The following CNKSR2 variants were observed in gnomAD, a reference collection of about 807,000 sequenced individuals.
CNKSR2 encodes CNK homolog protein 2.
A neutral mutation model predicts 84.4 loss-of-function variants in CNKSR2; 14 were observed. The observed-to-expected ratio is 0.17, with a 90% CI of 0.11 to 0.26. The LOEUF (loss-of-function observed/expected upper bound fraction) is 0.26, where lower values mean the gene tolerates loss of function less well. Among genes scored for constraint, CNKSR2 ranks in the 10% least tolerant of loss-of-function variants. The pLI, the probability that CNKSR2 is intolerant of heterozygous loss-of-function variation, is 1.00. For missense variants in CNKSR2, 485 were observed against 771.2 expected (o/e 0.63, Z 4.40); for synonymous variants, 275 against 277.9 (o/e 0.99, Z 0.10).
chrX:21,635,436 GTA>G (rs1221604101), intron 20 of CNKSR2, among the ~76,000 whole-genome samples: 26 of 101,442 alleles, frequency 2.6e-4, no homozygotes, highest in African/African-American at 6.1e-4. Context: ...ATGTATATGT[GTA>G]TATATATATA....
At chrX:21,613,315 A>G (rs866159146) in intron 20 of CNKSR2, among the ~76,000 whole-genome samples, 2 of 112,138 alleles carry the variant, frequency 1.8e-5, no homozygotes, top group African/African-American at 3.2e-5. Flanking sequence ...GTACTAGCCA[A>G]TTCAGATGAG....
At chrX:21,471,892 A>G (rs930808016) in intron 5 of CNKSR2, among the ~76,000 whole-genome samples, 1 of 112,002 alleles carries the variant, frequency 8.9e-6, no homozygotes, top group African/African-American at 3.2e-5. Flanking sequence ...ATAGAAAGAC[A>G]CTAATATTTA....
chrX:21,382,598 TA>T (rs1250710308), intron 1 of CNKSR2, among the ~76,000 whole-genome samples: 8 of 111,420 alleles, frequency 7.2e-5, no homozygotes, highest in African/African-American at 2.6e-4. Flanking sequence ...AAAGCTCATA[TA>T]AAAAATTAAA....
At chrX:21,406,276 A>G (rs754128262) in intron 1 of CNKSR2, among the ~76,000 whole-genome samples, 12 of 111,447 alleles carry the variant, frequency 1.1e-4, no homozygotes, top group African/African-American at 3.9e-4. Flanking sequence ...TCCTGAAACC[A>G]TCCCCCCATT....
intron 20 of CNKSR2, among the ~76,000 whole-genome samples, chrX:21,621,857 A>G (rs1279172730): frequency 1.8e-5 from 2 of 111,344 alleles, no homozygotes; most frequent in Non-Finnish European, 1.9e-5. Flanking sequence ...ATTAAAAAAC[A>G]AAACGCCACC....
At chrX:21,426,763 G>GA (rs1272297423) in intron 2 of CNKSR2, 103 bp downstream of exon 2, 3 of 911,291 alleles carry the variant, frequency 3.3e-6, no homozygotes, top group Admixed American at 3.7e-5. Flanking sequence ...GCAAATAGAA[G>GA]AAAAAAACTC....
chrX:21,378,489 C>G (rs765643118), intron 1 of CNKSR2, among the ~76,000 whole-genome samples: 2 of 111,613 alleles, frequency 1.8e-5, no homozygotes, highest in East Asian at 2.8e-4. Context: ...TGTTCACTTG[C>G]AGGGCCTGGA....
At chrX:21,525,297 G>T (rs2091824175) in intron 9 of CNKSR2, among the ~76,000 whole-genome samples, 1 of 111,145 alleles carries the variant, frequency 9.0e-6, no homozygotes, top group South Asian at 3.7e-4. Flanking sequence ...GTTTCTAAAA[G>T]ACAGGAATAG....
intron 13 of CNKSR2, among the ~76,000 whole-genome samples, chrX:21,571,166 G>T (rs2092281242): frequency 8.9e-6 from 1 of 112,150 alleles, no homozygotes; most frequent in Non-Finnish European, 1.9e-5. Flanking sequence ...GTGTACTGTT[G>T]TTCATGGCAC....
At chrX:21,528,266 A>G (rs974477996) in intron 10 of CNKSR2, among the ~76,000 whole-genome samples, 3 of 111,355 alleles carry the variant, frequency 2.7e-5, no homozygotes, top group African/African-American at 9.7e-5. Context: ...TGCATGAGGA[A>G]CAATGAAAGT....
chrX:21,415,850 AC>A (rs2090413682), intron 1 of CNKSR2, among the ~76,000 whole-genome samples: 1 of 102,659 alleles, frequency 9.7e-6, no homozygotes, highest in Non-Finnish European at 2.0e-5. Flanking sequence ...ACACACACAC[AC>A]ACACACACAC....
intron 10 of CNKSR2, among the ~76,000 whole-genome samples, chrX:21,528,032 ATAGT>A (rs1007769588): frequency 1.8e-5 from 2 of 110,916 alleles, no homozygotes; most frequent in Non-Finnish European, 3.8e-5. Flanking sequence ...TAATATAACT[ATAGT>A]TAGTTTTATA....
chrX:21,652,920 G>T lies in CNKSR2; in HGVS notation c.*399G>T, dbSNP rs574515398. On this transcript the variant is annotated 3_prime_UTR_variant, in exon 22 of 22. Coordinates refer to ENST00000379510, the MANE Select transcript of CNKSR2 (RefSeq NM_014927.5). ...CATTTTTTCAGGTGCAGACATCCTTGTGGGTGGGAAAGAATTTAAACCTTT... is the reference window on the plus strand; with the variant it reads ...CATTTTTTCAGGTGCAGACATCCTTTTGGGTGGGAAAGAATTTAAACCTTT... The T allele has an allele frequency of 8.4e-6, 1 of 119,031 alleles. No individual in the cohort carries two copies. Among genetic ancestry groups the T allele is most frequent in the East Asian group, 2.6e-4 (1 of 3,867 alleles). The allele number at this position is 119,031 out of a possible 1,213,427, so 9.8% of individuals were successfully genotyped here.
intron 20 of CNKSR2, among the ~76,000 whole-genome samples, chrX:21,618,459 T>C (rs2092587933): frequency 8.9e-6 from 1 of 112,263 alleles, no homozygotes; most frequent in African/African-American, 3.2e-5. Flanking sequence ...TTAAACCTCA[T>C]ACTTGAAAAC....
intron 13 of CNKSR2, among the ~76,000 whole-genome samples, chrX:21,580,256 A>C (rs948248946): frequency 2.7e-5 from 3 of 111,983 alleles, no homozygotes; most frequent in African/African-American, 9.7e-5. Context: ...CTATTTTTAT[A>C]CAGTACTCTT....
chrX:21,375,763 C>T (rs1362245019), intron 1 of CNKSR2, among the ~76,000 whole-genome samples: 1 of 111,930 alleles, frequency 8.9e-6, no homozygotes, highest in Non-Finnish European at 1.9e-5. Flanking sequence ...CTTGAAGGTT[C>T]CCCCTTTTGT....
At chrX:21,545,443 C>T (rs2092015723) in intron 11 of CNKSR2, among the ~76,000 whole-genome samples, 1 of 111,924 alleles carries the variant, frequency 8.9e-6, no homozygotes, top group African/African-American at 3.3e-5. Flanking sequence ...ATAGAACTCC[C>T]ATCTCCCTGG....
chrX:21,497,280 C>T (rs1162755313), intron 6 of CNKSR2, among the ~76,000 whole-genome samples: 1 of 110,953 alleles, frequency 9.0e-6, no homozygotes, highest in Non-Finnish European at 1.9e-5. Context: ...ATACAGGATA[C>T]TACAAAATAG....
At chrX:21,377,929 C>T (rs1160780487) in intron 1 of CNKSR2, among the ~76,000 whole-genome samples, 3 of 111,318 alleles carry the variant, frequency 2.7e-5, no homozygotes, top group African/African-American at 9.8e-5. Context: ...TTTGATTGAT[C>T]AATTTTTATT....
Sources: gnomAD v4.1 joint callset for allele counts (sites outside exome capture counted in the v4.1 genomes callset) on GRCh38, gnomAD v4.1.1 for gene constraint, MANE v1.5 for transcripts, NCBI Gene and HGNC (gene_info 2026-07-23, HGNC 2026-07-21) for gene names.